Variants in PTPN4 observed in about 807,000 individuals in gnomAD.
The protein encoded by PTPN4 is protein tyrosine phosphatase non-receptor type 4, also known as tyrosine-protein phosphatase non-receptor type 4.
In PTPN4, 49 loss-of-function variants were observed where a neutral mutation model predicts 135.5. The ratio of observed to expected loss-of-function variants is 0.36; its 90% confidence interval spans 0.29 to 0.46. PTPN4 has a LOEUF of 0.46. Ranked by LOEUF, PTPN4 falls within the 20% of genes least tolerant of loss-of-function variation. PTPN4 has a pLI of 1.00. For synonymous variants in PTPN4, 333 were observed against 369.9 expected (o/e 0.90, Z 1.14); for missense variants, 860 against 1,101.0 (o/e 0.78, Z 3.10).
chr2:119,863,587 C>T (rs1677791357), intron 3 of PTPN4, among the ~76,000 whole-genome samples: 2 of 152,046 alleles, frequency 1.3e-5, no homozygotes, highest in South Asian at 4.1e-4. Flanking sequence ...TCCTCTCTCT[C>T]ATGGTTGGGA....
intron 3 of PTPN4, among the ~76,000 whole-genome samples, chr2:119,864,093 A>T (rs1677798068): frequency 6.6e-6 from 1 of 152,192 alleles, no homozygotes; most frequent in Admixed American, 6.5e-5. Flanking sequence ...AAGAATAAAG[A>T]GGATCACTCA....
rs371897416 is a variant in PTPN4, at chr2:119,932,758, G to A, written c.1196+209G>A. 9.9e-5 allele frequency among the ~76,000 whole-genome samples: 15 copies of A among 152,246 alleles called. No individual in the cohort carries two copies. The East Asian group carries it at 1.9e-3, about 20-fold the overall frequency. On this transcript the variant is annotated intron_variant, in intron 14 of 26. Coordinates refer to ENST00000263708, the MANE Select transcript of PTPN4 (RefSeq NM_002830.4). ...TATAGACTTGCGGAATGAGAGTAGC[G>A]CATTGAATAAGGACCCTCCACTCTC...
Position 119,983,387 on chromosome 2 carries a change from A to G in PTPN4, c.*6317A>G, listed in dbSNP as rs1226764203. On this transcript the variant is annotated 3_prime_UTR_variant, in exon 27 of 27. Transcript: ENST00000263708. ...CACAGTTGAGCTCATTTTAACATATATTCAAAGAAGCTTTTTAGTTTCTAC... is the reference window on the plus strand; with the variant it reads ...CACAGTTGAGCTCATTTTAACATATGTTCAAAGAAGCTTTTTAGTTTCTAC... 1 of 152,134 alleles carries G rather than the reference A, an allele frequency of 6.6e-6. No homozygotes were observed. Among genetic ancestry groups the G allele is most frequent in the South Asian group, 2.1e-4 (1 of 4,828 alleles). The allele number at this position is 152,134 out of a possible 1,614,324, so 9.4% of individuals were successfully genotyped here. A position where few individuals can be genotyped will look rare whatever the true frequency, so the allele number is the denominator to read the frequency against.
At chr2:119,797,646 G>A (rs979556514) in intron 1 of PTPN4, among the ~76,000 whole-genome samples, 2 of 152,086 alleles carry the variant, frequency 1.3e-5, no homozygotes, top group Non-Finnish European at 2.9e-5. Context: ...GCTGCATATG[G>A]TCATGTCATT....
intron 26 of PTPN4, among the ~76,000 whole-genome samples, chr2:119,972,318 A>T (rs1241267032): frequency 6.6e-6 from 1 of 152,168 alleles, no homozygotes; most frequent in African/African-American, 2.4e-5. Flanking sequence ...GGTATTCTTT[A>T]ATTTTAATTG....
chr2:119,920,474 C>T (rs1174183197), intron 12 of PTPN4, among the ~76,000 whole-genome samples: 1 of 152,224 alleles, frequency 6.6e-6, no homozygotes, highest in East Asian at 1.9e-4. Context: ...TCATTATTTT[C>T]TGGAGTAAAT....
At chr2:119,845,680 GTTGA>G (rs1392822718) in intron 2 of PTPN4, among the ~76,000 whole-genome samples, 1 of 152,068 alleles carries the variant, frequency 6.6e-6, no homozygotes, top group East Asian at 1.9e-4. Flanking sequence ...TTTCGGTTCT[GTTGA>G]TTTTCTTTAT....
At chr2:119,871,177 T>C (rs1232957346) in intron 3 of PTPN4, among the ~76,000 whole-genome samples, 3 of 148,234 alleles carry the variant, frequency 2.0e-5, no homozygotes, top group Non-Finnish European at 4.5e-5. Context: ...GCATACTAGA[T>C]TAGCAAAAAT....
At chr2:119,768,506 C>T (rs1023906731) in intron 1 of PTPN4, among the ~76,000 whole-genome samples, 8 of 152,268 alleles carry the variant, frequency 5.3e-5, no homozygotes, top group Admixed American at 1.3e-4. Context: ...TGCCTATGTA[C>T]AGGTATTTTA....
chr2:119,885,735 T>G lies in PTPN4; in HGVS notation c.588-60T>G, dbSNP rs911984063. The G allele has an allele frequency of 1.0e-5, 12 of 1,204,038 alleles. No individual in the cohort carries two copies. The Admixed American group carries it at 1.2e-4, about 12-fold the overall frequency. The allele number at this position is 1,204,038 out of a possible 1,614,324, so 74.6% of individuals were successfully genotyped here. On this transcript the variant is annotated intron_variant, in intron 8 of 26. Coordinates refer to ENST00000263708, the MANE Select transcript of PTPN4 (RefSeq NM_002830.4). ...TCAGATAAATAGCCTTTTTCTAATT[T>G]AGCCATATTTATTTGATTGATTGAT...
At chr2:119,925,326 A>G (rs1678807497) in intron 12 of PTPN4, among the ~76,000 whole-genome samples, 2 of 152,230 alleles carry the variant, frequency 1.3e-5, no homozygotes, top group Admixed American at 1.3e-4. Flanking sequence ...TAGCCCCTGC[A>G]AAACATAGGG....
At chr2:119,848,409 G>A (rs1192297542) in intron 2 of PTPN4, among the ~76,000 whole-genome samples, 5 of 151,746 alleles carry the variant, frequency 3.3e-5, no homozygotes, top group South Asian at 4.2e-4. Flanking sequence ...TCCTGACCTC[G>A]TGATCCACCT....
chr2:119,793,023 C>T lies in PTPN4; in HGVS notation c.-17-16814C>T, dbSNP rs113490651. On this transcript the variant is annotated intron_variant, in intron 1 of 26. Coordinates refer to ENST00000263708, the MANE Select transcript of PTPN4 (RefSeq NM_002830.4). ...ATGAAGTTTCATGTCCCACTGTGTG[C>T]GCATTGTCATTGATAAACATCTTAA... 7.2e-5 allele frequency among the ~76,000 whole-genome samples: 11 copies of T among 152,246 alleles called. No homozygotes were observed. In the East Asian group the frequency reaches 9.6e-4, roughly 13 times the overall value.
At chr2:119,802,266 G>A (rs1691391910) in intron 1 of PTPN4, among the ~76,000 whole-genome samples, 1 of 152,162 alleles carries the variant, frequency 6.6e-6, no homozygotes, top group South Asian at 2.1e-4. Context: ...AGTGGTGAGA[G>A]CAGATACCCT....
intron 26 of PTPN4, among the ~76,000 whole-genome samples, chr2:119,968,771 GAC>G (rs1679483553): frequency 6.6e-6 from 1 of 152,082 alleles, no homozygotes; most frequent in Non-Finnish European, 1.5e-5. Context: ...CAGCCTGGGT[GAC>G]AGAGTGCGAC....
At chr2:119,941,415 G>A (rs1574414322) in intron 15 of PTPN4, among the ~76,000 whole-genome samples, 2 of 143,708 alleles carry the variant, frequency 1.4e-5, no homozygotes, top group Admixed American at 1.4e-4. Flanking sequence ...ACTTCAGAGT[G>A]TGTGTGTGTG....
chr2:119,874,942 A>G (rs1451256698), intron 3 of PTPN4, among the ~76,000 whole-genome samples: 3 of 152,164 alleles, frequency 2.0e-5, no homozygotes, highest in Non-Finnish European at 1.5e-5. Context: ...CAAACGTTTT[A>G]GTCTTTGCCC....
intron 13 of PTPN4, among the ~76,000 whole-genome samples, chr2:119,929,345 C>CT (rs1286099737): frequency 3.3e-5 from 5 of 151,120 alleles, no homozygotes; most frequent in African/African-American, 7.3e-5. Context: ...ACCTAGAGTT[C>CT]TTTTTTTTTC....
In PTPN4 at chr2:119,809,752, G is replaced by C. The variant is rs552915254; in HGVS notation, c.-17-85G>C. The C allele has an allele frequency of 4.6e-5, 54 of 1,185,212 alleles. No individual in the cohort carries two copies. The African/African-American group carries it at 8.0e-4, about 18-fold the overall frequency. 73.4% of individuals were successfully genotyped at this position (1,185,212 alleles called of 1,614,324 possible). ...TGTTTTCCACCTAAGTTTTAATTGA[G>C]AAATATATAATAACTTTGCCTTTTA... is the stretch of plus-strand genomic sequence containing the variant. On this transcript the variant is annotated intron_variant, in intron 1 of 26. Transcript: ENST00000263708.
Sources: gnomAD v4.1 joint callset for allele counts (sites outside exome capture counted in the v4.1 genomes callset) on GRCh38, gnomAD v4.1.1 for gene constraint, MANE v1.5 for transcripts, NCBI Gene and HGNC (gene_info 2026-07-23, HGNC 2026-07-21) for gene names.